Variants in CDH12 observed in about 807,000 individuals in gnomAD.
CDH12 encodes cadherin-12.
In CDH12, 41 loss-of-function variants were observed where a neutral mutation model predicts 74.1. The ratio of observed to expected loss-of-function variants is 0.55; its 90% CI spans 0.43 to 0.72. The LOEUF is 0.72. Among genes scored for constraint, CDH12 ranks in the 30% least tolerant of loss-of-function variants. The pLI is 0.00. For synonymous variants in CDH12, 399 were observed against 355.0 expected, an observed-to-expected ratio of 1.12 and a Z score of -1.39; for missense variants, 945 against 977.2, an observed-to-expected ratio of 0.97 and a Z score of 0.44.
chr5:22,529,184 TATATAG>T (rs758821999), intron 1 of CDH12, among the ~76,000 whole-genome samples: 10,900 of 83,546 alleles, frequency 0.13, 810 homozygotes, highest in Admixed American at 0.3. Flanking sequence ...TATATATATA[TATATAG>T]AGAGAGAGAG....
chr5:22,184,728 C>A (rs1385205612), intron 4 of CDH12, among the ~76,000 whole-genome samples: 2 of 152,206 alleles, frequency 1.3e-5, no homozygotes, highest in East Asian at 3.9e-4. Context: ...TGGATGTAAG[C>A]CAGCCATGAC....
intron 6 of CDH12, among the ~76,000 whole-genome samples, chr5:21,894,382 G>GAAAAAAAAAA (rs376989106): frequency 2.7e-5 from 2 of 73,440 alleles, no homozygotes; most frequent in African/African-American, 4.4e-5. Context: ...CCGTCTCAAA[G>GAAAAAAAAAA]AAAAAAAAAA....
At chr5:22,058,794 G>GAGGA (rs576094576) in intron 5 of CDH12, among the ~76,000 whole-genome samples, 1 of 151,318 alleles carries the variant, frequency 6.6e-6, no homozygotes, top group African/African-American at 2.4e-5. Context: ...GAGGAAAAGG[G>GAGGA]AGGAAGGAAG....
chr5:22,743,428 C>T (rs746575659), intron 1 of CDH12, among the ~76,000 whole-genome samples: 9 of 151,624 alleles, frequency 5.9e-5, no homozygotes, highest in Non-Finnish European at 1.5e-5. Flanking sequence ...AGTATTGACA[C>T]TATAAATTGG....
chr5:22,639,207 G>C (rs1249849418), intron 1 of CDH12, among the ~76,000 whole-genome samples: 1 of 151,794 alleles, frequency 6.6e-6, no homozygotes, highest in African/African-American at 2.4e-5. Flanking sequence ...AAGCAAATTA[G>C]AAGGCTGTGA....
At chr5:22,578,184 T>G (rs1321815109) in intron 1 of CDH12, among the ~76,000 whole-genome samples, 1 of 152,176 alleles carries the variant, frequency 6.6e-6, no homozygotes, top group African/African-American at 2.4e-5. Flanking sequence ...AGAATGATCA[T>G]GCAAAAATTT....
At chr5:22,688,533 G>A (rs1223427166) in intron 1 of CDH12, among the ~76,000 whole-genome samples, 1 of 152,118 alleles carries the variant, frequency 6.6e-6, no homozygotes, top group Non-Finnish European at 1.5e-5. Flanking sequence ...CCGCAGCGAT[G>A]GAACATTTCT....
chr5:21,822,957 G>A (rs1160236770), intron 8 of CDH12, among the ~76,000 whole-genome samples: 2 of 151,928 alleles, frequency 1.3e-5, no homozygotes, highest in South Asian at 2.1e-4. Context: ...TTTAAGGCTC[G>A]ATATTAAATT....
chr5:21,914,165 T>C (rs1290784183), intron 6 of CDH12, among the ~76,000 whole-genome samples: 1 of 152,168 alleles, frequency 6.6e-6, no homozygotes, highest in Non-Finnish European at 1.5e-5. Flanking sequence ...AAATCCACAC[T>C]GAAAGGGGCT....
At chr5:22,699,937 G>A (rs556012652) in intron 1 of CDH12, among the ~76,000 whole-genome samples, 28 of 152,254 alleles carry the variant, frequency 1.8e-4, no homozygotes, top group African/African-American at 6.7e-4. Context: ...CACTTTGAGA[G>A]GCCGAGGCAG....
chr5:22,850,808 A>G (rs1482616903), intron 1 of CDH12, among the ~76,000 whole-genome samples: 1 of 152,102 alleles, frequency 6.6e-6, no homozygotes, highest in East Asian at 1.9e-4. Flanking sequence ...ATATTTTTAC[A>G]TGAAAACATG....
At chr5:21,861,510 T>G (rs1751042493) in intron 6 of CDH12, among the ~76,000 whole-genome samples, 4 of 152,108 alleles carry the variant, frequency 2.6e-5, no homozygotes, top group Admixed American at 2.6e-4. Flanking sequence ...TGTGATTAAA[T>G]TTTGTTGTTT....
At chr5:22,346,852 TACTC>T (rs1740137805) in intron 3 of CDH12, among the ~76,000 whole-genome samples, 1 of 152,188 alleles carries the variant, frequency 6.6e-6, no homozygotes, top group African/African-American at 2.4e-5. Context: ...TTTGAAATGT[TACTC>T]ACTACAAAGT....
chr5:21,904,164 C>A (rs62351004), intron 6 of CDH12, among the ~76,000 whole-genome samples: 4,203 of 152,156 alleles, frequency 0.028, 91 homozygotes, highest in Non-Finnish European at 0.041. Context: ...TTACATTTTT[C>A]CCCGTGTAAA....
chr5:22,580,162 G>C (rs1580784566), intron 1 of CDH12: 2 of 278,920 alleles, frequency 7.2e-6, no homozygotes, highest in East Asian at 1.9e-4. Context: ...ACAAGGAAGA[G>C]GATCCAGATG....
At chr5:22,410,867 G>A (rs1406590730) in intron 2 of CDH12, among the ~76,000 whole-genome samples, 3 of 152,066 alleles carry the variant, frequency 2.0e-5, no homozygotes, top group Non-Finnish European at 4.4e-5. Flanking sequence ...AGAGATAGCA[G>A]CTGACCCAAT....
In CDH12 at chr5:22,258,515, T is replaced by A. The variant is rs569080356; in HGVS notation, c.-332-45872A>T. On this transcript the variant is annotated intron_variant, in intron 3 of 14. Coordinates refer to ENST00000382254, the MANE Select transcript of CDH12 (RefSeq NM_004061.5). ...AAAACCATCTCTGCATAGAAACTGT[T>A]CAAATGCTCTGTTTTCATAAAATGT... Among the ~76,000 whole-genome samples, 8 of 152,022 alleles carry A rather than the reference T, an allele frequency of 5.3e-5. No homozygotes were observed. The South Asian group carries it at 1.7e-3, about 32-fold the overall frequency.
chr5:21,834,491 G>A (rs1749422092), intron 8 of CDH12, among the ~76,000 whole-genome samples: 1 of 151,830 alleles, frequency 6.6e-6, no homozygotes, highest in South Asian at 2.1e-4. Context: ...AAAAACAGCA[G>A]ATTAGGTAAA....
intron 1 of CDH12, among the ~76,000 whole-genome samples, chr5:22,632,408 T>A: frequency 6.6e-6 from 1 of 152,228 alleles, no homozygotes; most frequent in Middle Eastern, 3.4e-3. Flanking sequence ...TTGTTTAAAC[T>A]TTTTAAAAAA....
Sources: allele counts gnomAD v4.1 joint callset (sites outside exome capture counted in the v4.1 genomes callset), GRCh38; gene constraint gnomAD v4.1.1; transcripts MANE v1.5; gene names NCBI Gene and HGNC (gene_info 2026-07-23, HGNC 2026-07-21).